The following NFKB1 variants were observed in gnomAD, a reference collection of about 807,000 sequenced individuals.
The protein encoded by NFKB1 is nuclear factor kappa B subunit 1.
In NFKB1, 9 loss-of-function variants were observed where a neutral mutation model predicts 105.1. The ratio of observed to expected loss-of-function variants is 0.09; its 90% CI spans 0.05 to 0.15. The LOEUF is 0.15. Among genes scored for constraint, NFKB1 ranks in the 10% least tolerant of loss-of-function variants. The pLI, the probability that NFKB1 is intolerant of heterozygous loss-of-function variation, is 1.00. For synonymous variants in NFKB1, 440 were observed against 442.2 expected, an observed-to-expected ratio of 1.00 and a Z score of 0.06; for missense variants, 830 against 1,203.7, an observed-to-expected ratio of 0.69 and a Z score of 4.59.
At chr4:102,543,718 T>G (rs1044171779) in intron 5 of NFKB1, among the ~76,000 whole-genome samples, 3 of 152,148 alleles carry the variant, frequency 2.0e-5, no homozygotes, top group African/African-American at 7.2e-5. Flanking sequence ...TTTGAGGATA[T>G]CACATATCCT....
chr4:102,510,382 G>C (rs1739700684), intron 1 of NFKB1, among the ~76,000 whole-genome samples: 1 of 152,206 alleles, frequency 6.6e-6, no homozygotes, highest in African/African-American at 2.4e-5. Flanking sequence ...CTCTGAGCAA[G>C]TTAATTAACT....
intron 1 of NFKB1, among the ~76,000 whole-genome samples, chr4:102,506,717 C>G (rs1394723613): frequency 6.6e-6 from 1 of 152,056 alleles, no homozygotes; most frequent in Non-Finnish European, 1.5e-5. Flanking sequence ...CCTGGGAACC[C>G]TAATGCAGTC....
chr4:102,588,153 G>GAA (rs1725868064), intron 11 of NFKB1, among the ~76,000 whole-genome samples: 1 of 152,136 alleles, frequency 6.6e-6, no homozygotes, highest in African/African-American at 2.4e-5. Flanking sequence ...AAGTTGCATA[G>GAA]AAAATGCTCA....
intron 22 of NFKB1, 23 bp from the exon 23 acceptor site, chr4:102,613,402 C>A: frequency 6.2e-7 from 1 of 1,610,660 alleles, no homozygotes; most frequent in Non-Finnish European, 8.5e-7. Context: ...AGAACATGCT[C>A]CTCCTTCCTT....
chr4:102,516,578 C>T (rs1399242782), intron 1 of NFKB1, among the ~76,000 whole-genome samples: 4 of 151,378 alleles, frequency 2.6e-5, no homozygotes, highest in African/African-American at 9.7e-5. Flanking sequence ...AATTTCCATT[C>T]TTTTTTTTAA....
At chr4:102,506,167 A>G (rs1359473308) in intron 1 of NFKB1, among the ~76,000 whole-genome samples, 1 of 152,204 alleles carries the variant, frequency 6.6e-6, no homozygotes, top group African/African-American at 2.4e-5. Context: ...AGTAATTGGA[A>G]TGATAAAAGG....
At chr4:102,616,372 T>C in intron 23 of NFKB1, 62 bp from the exon 24 acceptor site, 4 of 1,578,232 alleles carry the variant, frequency 2.5e-6, no homozygotes, top group Non-Finnish European at 3.5e-6. Flanking sequence ...GTCCACAGAA[T>C]AGTCCATGAG....
Position 102,607,259 on chromosome 4 carries a change from A to T in NFKB1, c.2064A>T (p.Thr688=). The T allele has an allele frequency of 6.2e-7, 1 of 1,614,262 alleles. No individual in the cohort carries two copies. Among genetic ancestry groups the T allele is most frequent in the Non-Finnish European group, 8.5e-7 (1 of 1,180,042 alleles). ...VNAQEQKSGR[T]ALHLAVEHDN... is the part of the protein sequence containing the mutation. ...CTCAGGAGCAGAAGTCCGGGCGCAC[A>T]GCACTGCACCTGGCTGTGGAGCACG... The change falls in exon 18 of 24, where the codon ACA becomes ACT. Residue 688 remains threonine, a synonymous_variant. Coordinates refer to ENST00000226574, the MANE Select transcript of NFKB1 (RefSeq NM_003998.4).
chr4:102,527,570 A>T (rs1741003190), intron 2 of NFKB1, among the ~76,000 whole-genome samples: 1 of 152,176 alleles, frequency 6.6e-6, no homozygotes, highest in Non-Finnish European at 1.5e-5. Flanking sequence ...ACTTCGGGTG[A>T]TATTCTGATT....
chr4:102,578,031 A>G (rs1479860595), intron 7 of NFKB1: 12 of 978,348 alleles, frequency 1.2e-5, no homozygotes, highest in African/African-American at 3.5e-5. Flanking sequence ...TTTCCAATCT[A>G]TTTCCCGTTT....
intron 1 of NFKB1, among the ~76,000 whole-genome samples, chr4:102,513,616 T>C (rs938030748): frequency 1.6e-4 from 25 of 152,152 alleles, no homozygotes; most frequent in African/African-American, 6.0e-4. Context: ...TTTAGATGCT[T>C]CTTTCAGGGG....
rs1457380243 is a variant in NFKB1 at position 102,612,068 on chromosome 4, C to T, written c.2377C>T (p.Pro793Ser). Residue 793 changes from proline (P) to serine (S), a missense_variant, in exon 21 of 24, where the codon CCA becomes TCA. Physicochemically the swap from Pro to Ser is moderately conservative, Grantham distance 74. Around this residue, in one of 8 missense-constraint regions of NFKB1, gnomAD observed 418 missense variants for 575.3 expected, o/e 0.73. Transcript: ENST00000226574. ...WQVFDILNGK[P>S]YEPEFTSDDL... is the part of the protein sequence containing the mutation. The stretch of plus-strand genomic sequence containing the variant: ...GGTATTTGACATATTAAATGGGAAA[C>T]CATATGAGCCAGAGTTTACATCTGA... 2 of 1,614,054 alleles carry T rather than the reference C, an allele frequency of 1.2e-6. No homozygotes were observed. Among genetic ancestry groups the T allele is most frequent in the Non-Finnish European group, 1.7e-6 (2 of 1,179,950 alleles).
chr4:102,572,389 C>G (rs1327233937), intron 6 of NFKB1, among the ~76,000 whole-genome samples: 1 of 152,062 alleles, frequency 6.6e-6, no homozygotes, highest in African/African-American at 2.4e-5. Context: ...TGCTGAGTTA[C>G]TGGGTGCAGC....
intron 6 of NFKB1, among the ~76,000 whole-genome samples, chr4:102,572,648 C>A (rs1360659289): frequency 6.6e-6 from 1 of 152,196 alleles, no homozygotes; most frequent in Non-Finnish European, 1.5e-5. Flanking sequence ...AAAAGCCATT[C>A]TGACAGGTGT....
At chr4:102,582,997 A>C (rs1371298152) in intron 10 of NFKB1, 40 bp downstream of exon 10, 2 of 1,393,508 alleles carry the variant, frequency 1.4e-6, no homozygotes, top group East Asian at 4.9e-5. Context: ...TATTATTTTT[A>C]GAGATGGGAT....
intron 5 of NFKB1, among the ~76,000 whole-genome samples, chr4:102,543,832 A>C (rs1185453778): frequency 6.6e-6 from 1 of 152,130 alleles, no homozygotes; most frequent in Non-Finnish European, 1.5e-5. Flanking sequence ...ATTACTTAAA[A>C]CAACAGGGGA....
chr4:102,507,824 A>G (rs1739527788), intron 1 of NFKB1, among the ~76,000 whole-genome samples: 1 of 152,210 alleles, frequency 6.6e-6, no homozygotes, highest in South Asian at 2.1e-4. Context: ...AAAATACTAT[A>G]CCATATTTCA....
At chr4:102,507,862 T>A (rs775905480) in intron 1 of NFKB1, among the ~76,000 whole-genome samples, 4 of 152,186 alleles carry the variant, frequency 2.6e-5, no homozygotes, top group Non-Finnish European at 4.4e-5. Context: ...TCCCTCTTTA[T>A]CCCAGACGTC....
chr4:102,605,743 C>T (rs972775801), intron 16 of NFKB1, among the ~76,000 whole-genome samples: 1 of 152,146 alleles, frequency 6.6e-6, no homozygotes, highest in African/African-American at 2.4e-5. Context: ...TGGTGAGATA[C>T]TTGTATTATC....
Sources: allele counts gnomAD v4.1 joint callset (sites outside exome capture counted in the v4.1 genomes callset), GRCh38; gene constraint gnomAD v4.1.1; regional missense constraint gnomAD v4.1.1; transcripts MANE v1.5; gene names NCBI Gene and HGNC (gene_info 2026-07-23, HGNC 2026-07-21).